CTBP2: variants seen among roughly 807,000 people sequenced by gnomAD.
The protein encoded by CTBP2 is C-terminal binding protein 2, also known as C-terminal-binding protein 2.
Under a neutral mutation model 80.3 loss-of-function variants are expected in CTBP2, and 30 were observed. The ratio of observed to expected loss-of-function variants is 0.37; its 90% CI spans 0.28 to 0.51. CTBP2 has a LOEUF of 0.51. Among genes scored for constraint, CTBP2 ranks in the 20% least tolerant of loss-of-function variants. The probability of loss-of-function intolerance (pLI) is 0.93; values close to 1 mark genes in which losing one functional copy is unlikely to be tolerated. For synonymous variants in CTBP2, 594 were observed against 587.4 expected (o/e 1.01, Z -0.16); for missense variants, 1,212 against 1,375.3 (o/e 0.88, Z 1.88).
At chr10:125,091,950 T>C (rs1848823744) in intron 2 of CTBP2, among the ~76,000 whole-genome samples, 1 of 152,194 alleles carries the variant, frequency 6.6e-6, no homozygotes, top group Non-Finnish European at 1.5e-5. Context: ...CAACATTTGA[T>C]ATTGAAGCTT....
At chr10:125,142,606 T>A (rs1858027418) in intron 1 of CTBP2, among the ~76,000 whole-genome samples, 1 of 152,230 alleles carries the variant, frequency 6.6e-6, no homozygotes. Flanking sequence ...AAGGGTGTTT[T>A]ACTGTATATA....
At chr10:125,015,020 G>A (rs2134461661) in intron 1 of CTBP2, among the ~76,000 whole-genome samples, 2 of 152,338 alleles carry the variant, frequency 1.3e-5, no homozygotes, top group South Asian at 4.1e-4. Context: ...TGTGGAGGAT[G>A]TTTACCAGCT....
chr10:125,110,648 T>C (rs1852152194), intron 2 of CTBP2, among the ~76,000 whole-genome samples: 1 of 152,234 alleles, frequency 6.6e-6, no homozygotes, highest in Admixed American at 6.5e-5. Flanking sequence ...TTTATTCTTT[T>C]TAATTAATAC....
rs199925911 is a variant in CTBP2, at chr10:125,080,286, T to TA, written c.-102+30703dup. On this transcript the variant is annotated intron_variant, in intron 2 of 10. Coordinates refer to the CTBP2 transcript ENST00000337195. ...ACACCCAGTTTCCTTGGATTAGGGG[T>TA]AAAAAAAAAACACACACCCACACCG... is the stretch of plus-strand genomic sequence containing the variant. 8.6e-3 allele frequency among the ~76,000 whole-genome samples: 1,262 copies of TA among 147,322 alleles called. 12 individuals carry two copies. The highest frequency in any genetic ancestry group is 0.027 in the African/African-American group (1,095 of 40,174).
At chr10:125,095,862 A>G (rs933939386) in intron 2 of CTBP2, among the ~76,000 whole-genome samples, 6 of 152,264 alleles carry the variant, frequency 3.9e-5, no homozygotes, top group Middle Eastern at 3.4e-3. Context: ...AGATGACCCC[A>G]CTCAGGATTC....
In CTBP2 at chr10:124,987,925, G is replaced by A. The variant is rs1018868365; in HGVS notation, c.*1593C>T. Reference sequence around the variant, plus strand: ...AAGCTCTTAACTCATGGGACTATTTGCAACACTTCTTTGTAAATATCATTT... The same window carrying A: ...AAGCTCTTAACTCATGGGACTATTTACAACACTTCTTTGTAAATATCATTT... On this transcript the variant is annotated 3_prime_UTR_variant, in exon 9 of 9. Coordinates refer to ENST00000309035, the MANE Select transcript of CTBP2 (RefSeq NM_022802.3). 1 of 152,360 alleles carries A rather than the reference G, an allele frequency of 6.6e-6. No individual in the cohort carries two copies. The highest frequency in any genetic ancestry group is 2.4e-5 in the African/African-American group (1 of 41,442). 9.4% of individuals were successfully genotyped at this position (152,360 alleles called of 1,614,324 possible).
chr10:125,059,203 T>C (rs956787805), intron 2 of CTBP2, among the ~76,000 whole-genome samples: 1 of 152,182 alleles, frequency 6.6e-6, no homozygotes, highest in African/African-American at 2.4e-5. Flanking sequence ...TTCAGGATCC[T>C]GCTGGGTTTT....
chr10:125,114,212 GTGTAACTGCCGGTCAGCA>G (rs1734985185), intron 1 of CTBP2, among the ~76,000 whole-genome samples: 3 of 152,290 alleles, frequency 2.0e-5, no homozygotes, highest in African/African-American at 4.8e-5. Flanking sequence ...TGGCCTCAGC[GTGTAACTGCCGGTCAGCA>G]TGCCCACCCC....
rs1952030501 is a variant in CTBP2 at position 124,986,218 on chromosome 10, G to A, written c.*3300C>T. ...TCTCAGGAACACAGAAATATTTGGT[G>A]TCCTGATAAGCACTTTCTAGACTAT... On this transcript the variant is annotated 3_prime_UTR_variant, in exon 9 of 9. Coordinates refer to ENST00000309035, the MANE Select transcript of CTBP2 (RefSeq NM_022802.3). 1 of 152,066 alleles carries A rather than the reference G, an allele frequency of 6.6e-6. No homozygotes were observed. Among genetic ancestry groups the A allele is most frequent in the East Asian group, 1.9e-4 (1 of 5,168 alleles). 9.4% of individuals were successfully genotyped at this position (152,066 alleles called of 1,614,324 possible). A position where few individuals can be genotyped will look rare whatever the true frequency, so the allele number is the denominator to read the frequency against.
At chr10:125,039,107 A>G in exon 3 of CTBP2, 1 of 1,490,732 alleles carries the variant, frequency 6.7e-7, no homozygotes, top group Non-Finnish European at 9.3e-7. Context: ...GTCCTCTAAG[A>G]ACTTAGGGGA....
intron 3 of CTBP2, among the ~76,000 whole-genome samples, chr10:125,033,781 A>G (rs1415627876): frequency 6.6e-6 from 1 of 152,102 alleles, no homozygotes; most frequent in African/African-American, 2.4e-5. Flanking sequence ...GCCGGGACCA[A>G]GAGGACAGGC....
intron 2 of CTBP2, among the ~76,000 whole-genome samples, chr10:125,051,527 C>G (rs770365964): frequency 6.6e-6 from 1 of 152,102 alleles, no homozygotes; most frequent in African/African-American, 2.4e-5. Flanking sequence ...GTAATCCCAG[C>G]TACTCAGGAG....
intron 8 of CTBP2, among the ~76,000 whole-genome samples, chr10:124,990,339 G>A (rs565353703): frequency 2.0e-5 from 3 of 152,262 alleles, no homozygotes; most frequent in South Asian, 2.1e-4. Context: ...CACCATGCCC[G>A]GCCCTGGCTA....
intron 2 of CTBP2, among the ~76,000 whole-genome samples, chr10:125,070,544 G>C (rs772847188): frequency 6.7e-6 from 1 of 150,324 alleles, no homozygotes; most frequent in Non-Finnish European, 1.5e-5. Context: ...GTGACAGTGA[G>C]ACTCAATTTC....
chr10:125,058,298 C>T (rs573951350), intron 2 of CTBP2, among the ~76,000 whole-genome samples: 1 of 152,102 alleles, frequency 6.6e-6, no homozygotes, highest in Non-Finnish European at 1.5e-5. Context: ...AAGTTCTTCA[C>T]GTGATACGAT....
At position 125,041,515 on chromosome 10, in the gene CTBP2, C is replaced by T. The variant is rs1053402135; in HGVS notation, c.-101-2360G>A. Among the ~76,000 whole-genome samples the T allele has an allele frequency of 8.3e-4, 106 of 127,108 alleles. 2 individuals carry two copies. In the East Asian group the frequency reaches 0.02, roughly 24 times the overall value. 83.4% of individuals were successfully genotyped at this position (127,108 alleles called of 152,430 possible). A position where few individuals can be genotyped will look rare whatever the true frequency, so the allele number is the denominator to read the frequency against. ...TTTTGTCCATCCCCACCCCCCCCCCCCCCACCCACAAGTGACTCTAGGTGA... is the reference window on the plus strand; with the variant it reads ...TTTTGTCCATCCCCACCCCCCCCCCTCCCACCCACAAGTGACTCTAGGTGA... On this transcript the variant is annotated intron_variant, in intron 2 of 10. Coordinates refer to the CTBP2 transcript ENST00000337195.
chr10:125,078,629 C>G (rs563663296), intron 2 of CTBP2, among the ~76,000 whole-genome samples: 1 of 151,866 alleles, frequency 6.6e-6, no homozygotes, highest in Admixed American at 6.6e-5. Flanking sequence ...AGGTCACAGA[C>G]AAGCCAAGCT....
chr10:125,156,060 T>A (rs1860863270), intron 1 of CTBP2, among the ~76,000 whole-genome samples: 1 of 152,104 alleles, frequency 6.6e-6, no homozygotes, highest in South Asian at 2.1e-4. Flanking sequence ...TACAAATACT[T>A]CTTTTTCCAG....
intron 1 of CTBP2, among the ~76,000 whole-genome samples, chr10:125,115,770 G>A (rs191055423): frequency 2.0e-5 from 3 of 152,274 alleles, no homozygotes; most frequent in Admixed American, 1.3e-4. Context: ...GGCATCCCAA[G>A]CGTTCCCCTC....
Sources: allele counts gnomAD v4.1 joint callset (sites outside exome capture counted in the v4.1 genomes callset), GRCh38; gene constraint gnomAD v4.1.1; transcripts MANE v1.5; gene names NCBI Gene and HGNC (gene_info 2026-07-23, HGNC 2026-07-21).